Variants in LIMCH1 observed in about 807,000 individuals in gnomAD.
The protein encoded by LIMCH1 is LIM and calponin homology domains 1.
In LIMCH1, 113 loss-of-function variants were observed where a neutral mutation model predicts 176.5. The observed-to-expected ratio is 0.64, with a 90% CI of 0.55 to 0.75. The LOEUF is 0.75. Ranked by LOEUF, LIMCH1 falls within the 30% of genes least tolerant of loss-of-function variation. LIMCH1 has a pLI of 0.00. For synonymous variants in LIMCH1, 619 were observed against 645.9 expected (o/e 0.96, Z 0.63); for missense variants, 1,674 against 1,814.9 (o/e 0.92, Z 1.41).
intron 1 of LIMCH1, among the ~76,000 whole-genome samples, chr4:41,439,852 C>T (rs1258110898): frequency 2.0e-5 from 3 of 152,032 alleles, no homozygotes; most frequent in Middle Eastern, 3.4e-3. Context: ...TGCAGTGAGC[C>T]GAGATCATGC....
chr4:41,361,007 G>T (rs1179828501), intron 1 of LIMCH1: 4 of 1,168,690 alleles, frequency 3.4e-6, no homozygotes, highest in Non-Finnish European at 4.7e-6. Flanking sequence ...CGCTCCGACC[G>T]CAGGTCCAGC....
rs148450017 is a variant in LIMCH1 at position 41,606,031 on chromosome 4, A to G, written c.9+27A>G. On this transcript the variant is annotated intron_variant, in intron 4 of 31. Coordinates refer to ENST00000503057, the MANE Select transcript of LIMCH1 (RefSeq NM_001330672.2). ...TAACTTGGCTTTTCTTCTTTATCCC[A>G]TAAGCGTTAGACAAGGTGGGAAAGC... The G allele has an allele frequency of 4.5e-4, 675 of 1,491,374 alleles. 3 individuals are homozygous for G. The African/African-American group carries it at 8.5e-3, about 19-fold the overall frequency. 92.4% of individuals were successfully genotyped at this position (1,491,374 alleles called of 1,614,324 possible).
rs147690725 is a variant in LIMCH1 at position 41,389,516 on chromosome 4, G to A, written c.96+28580G>A. ...CTGGGGACTGCCCCGTCTGTGGGCC[G>A]CAGTTGTTGATGGCTACCACCCTCA... On this transcript the variant is annotated intron_variant, in intron 1 of 26. Transcript: ENST00000313860. 1.7e-4 allele frequency: 29 copies of A among 171,360 alleles called. No individual in the cohort carries two copies. In the East Asian group the frequency reaches 1.7e-3, roughly 10 times the overall value. 10.6% of individuals were successfully genotyped at this position (171,360 alleles called of 1,614,324 possible).
intron 1 of LIMCH1, among the ~76,000 whole-genome samples, chr4:41,545,285 G>A (rs142625391): frequency 1.5e-3 from 233 of 152,250 alleles, no homozygotes; most frequent in Middle Eastern, 6.8e-3. Flanking sequence ...TGTTTGAGTC[G>A]GAAGAGAAAA....
chr4:41,531,497 CACACACACACACACACACAT>C (rs1177184317), intron 3 of LIMCH1, among the ~76,000 whole-genome samples: 8 of 140,786 alleles, frequency 5.7e-5, no homozygotes, highest in Non-Finnish European at 9.1e-5. Context: ...CACACACACA[CACACACACACACACACACAT>C]ACACACCTTA....
At chr4:41,547,863 G>GTGTATATATATATATATA (rs774873739) in intron 1 of LIMCH1, among the ~76,000 whole-genome samples, 10 of 93,218 alleles carry the variant, frequency 1.1e-4, no homozygotes, top group African/African-American at 4.4e-4. Context: ...TTGTGTGTGT[G>GTGTATATATATATATATA]TATATATATA....
chr4:41,639,775 A>G (rs1173264378), intron 14 of LIMCH1, among the ~76,000 whole-genome samples: 2 of 152,202 alleles, frequency 1.3e-5, no homozygotes, highest in African/African-American at 2.4e-5. Context: ...TTGAAGAAAC[A>G]TGATTAATAT....
intron 2 of LIMCH1, among the ~76,000 whole-genome samples, chr4:41,514,516 G>C (rs557466191): frequency 2.0e-5 from 3 of 152,290 alleles, no homozygotes; most frequent in African/African-American, 7.2e-5. Flanking sequence ...AGGGACAAAG[G>C]CTAGGACAAG....
chr4:41,410,949 A>G (rs2059424215), intron 1 of LIMCH1, among the ~76,000 whole-genome samples: 1 of 152,112 alleles, frequency 6.6e-6, no homozygotes, highest in South Asian at 2.1e-4. Flanking sequence ...ACTCCATTCT[A>G]TTGTCTTGCT....
intron 1 of LIMCH1, among the ~76,000 whole-genome samples, chr4:41,419,733 T>C (rs2060446013): frequency 7.1e-6 from 1 of 140,084 alleles, no homozygotes; most frequent in Admixed American, 7.4e-5. Context: ...CTTCCTTTCT[T>C]CCTCCCCTCC....
At chr4:41,652,357 T>C (rs1302574533) in intron 18 of LIMCH1, among the ~76,000 whole-genome samples, 1 of 152,194 alleles carries the variant, frequency 6.6e-6, no homozygotes, top group African/African-American at 2.4e-5. Context: ...CTCACCATGG[T>C]AACACGTTTC....
At chr4:41,591,819 G>T (rs2087631824) in intron 1 of LIMCH1, among the ~76,000 whole-genome samples, 1 of 152,140 alleles carries the variant, frequency 6.6e-6, no homozygotes, top group Non-Finnish European at 1.5e-5. Context: ...TGGGGTAAAA[G>T]AAATAACGCC....
chr4:41,513,763 G>A (rs1434054110), intron 2 of LIMCH1, among the ~76,000 whole-genome samples: 2 of 152,036 alleles, frequency 1.3e-5, no homozygotes, highest in Non-Finnish European at 2.9e-5. Flanking sequence ...CCAGCACTTT[G>A]GGAGGCCAAG....
At chr4:41,526,240 T>C (rs1475871485) in intron 3 of LIMCH1, among the ~76,000 whole-genome samples, 1 of 150,982 alleles carries the variant, frequency 6.6e-6, no homozygotes, top group African/African-American at 2.4e-5. Flanking sequence ...GGATTTCCTT[T>C]TCACTTTGTC....
rs565014254 is a variant in LIMCH1, at chr4:41,631,157, T to C, written c.1281T>C (p.Asp427=). ...TTCTGGTTTTGACTAGGGATGGAGA[T>C]GTTCAGCACATCTGTGCTTCTGAGC... ...LKVSEKARDG[D]VQHICASEPS... Residue 427 remains aspartate (D), a synonymous_variant, in exon 10 of 32, where the codon GAT becomes GAC. Coordinates refer to ENST00000503057, the MANE Select transcript of LIMCH1 (RefSeq NM_001330672.2). 9 of 1,527,680 alleles carry C rather than the reference T, an allele frequency of 5.9e-6. No homozygotes were observed. The highest frequency in any genetic ancestry group is 7.9e-6 in the Non-Finnish European group (9 of 1,142,976). 94.6% of individuals were successfully genotyped at this position (1,527,680 alleles called of 1,614,324 possible).
At chr4:41,661,639 G>C (rs775452126) in intron 19 of LIMCH1, 129 bp downstream of exon 19, 27 of 720,372 alleles carry the variant, frequency 3.7e-5, no homozygotes, top group Non-Finnish European at 5.6e-5. Flanking sequence ...TGGTGCGGTT[G>C]TGCTGCCACC....
chr4:41,454,940 A>ATGTGTGTGTGTGTG, intron 1 of LIMCH1, among the ~76,000 whole-genome samples: 1 of 131,354 alleles, frequency 7.6e-6, no homozygotes, highest in Admixed American at 7.3e-5. Flanking sequence ...GTATGCGTAC[A>ATGTGTGTGTGTGTG]TGTGTGTGTG....
chr4:41,631,549 C>A, intron 10 of LIMCH1, 72 bp downstream of exon 10: 1 of 1,229,990 alleles, frequency 8.1e-7, no homozygotes, highest in Non-Finnish European at 1.1e-6. Context: ...TTTGCTGAAG[C>A]ACATTATACA....
In LIMCH1 at chr4:41,576,630, G is replaced by A. The variant is rs192073784; in HGVS notation, c.-240-22290G>A. On this transcript the variant is annotated intron_variant, in intron 1 of 31. Coordinates refer to ENST00000503057, the MANE Select transcript of LIMCH1 (RefSeq NM_001330672.2). ...TGATCATTCATCCAGGTTTGGCGGG[G>A]ACAGTCTTTGTTTATGTCTGTTCTG... 2.3e-3 allele frequency among the ~76,000 whole-genome samples: 357 copies of A among 152,258 alleles called. 2 individuals are homozygous for A. The highest frequency in any genetic ancestry group is 3.7e-3 in the Non-Finnish European group (255 of 68,012).
Sources: gnomAD v4.1 joint callset for allele counts (sites outside exome capture counted in the v4.1 genomes callset) on GRCh38, gnomAD v4.1.1 for gene constraint, MANE v1.5 for transcripts, NCBI Gene and HGNC (gene_info 2026-07-23, HGNC 2026-07-21) for gene names.